Variants in EPG5 observed in about 807,000 individuals in gnomAD.
The protein encoded by EPG5 is ectopic P granules protein 5 homolog.
A neutral mutation model predicts 302.7 loss-of-function variants in EPG5; 159 were observed. The ratio of observed to expected loss-of-function variants is 0.53; its 90% CI spans 0.46 to 0.60. The LOEUF (loss-of-function observed/expected upper bound fraction) is 0.60, where lower values mean the gene tolerates loss of function less well. Ranked by LOEUF, EPG5 falls within the 20% of genes least tolerant of loss-of-function variation. EPG5 has a pLI of 0.00. For missense variants in EPG5, 2,896 were observed against 3,092.4 expected, an observed-to-expected ratio of 0.94 and a Z score of 1.51; for synonymous variants, 1,158 against 1,136.8, an observed-to-expected ratio of 1.02 and a Z score of -0.37.
chr18:45,811,684 G>A, the EPG5 span, among the ~76,000 whole-genome samples: 1 of 152,182 alleles, frequency 6.6e-6, no homozygotes, highest in African/African-American at 2.4e-5. Context: ...TATCTCAATA[G>A]ATGCAGAAAA....
rs1343736341 is a variant in EPG5, at chr18:45,912,274, A to G, written c.3983+16T>C. 1 of 1,563,140 alleles carries G rather than the reference A, an allele frequency of 6.4e-7. No individual in the cohort carries two copies. ...AGAAATGGACTCACAGAAACCTACA[A>G]TACTGGGCAGCATACCCATACTGTG... On this transcript the variant is annotated intron_variant, in intron 22 of 43. Transcript: ENST00000282041.
At chr18:45,865,833 C>A in intron 38 of EPG5, 74 bp from the exon 39 acceptor site, 1 of 1,480,942 alleles carries the variant, frequency 6.8e-7, no homozygotes, top group Admixed American at 1.9e-5. Flanking sequence ...TTCCTGGGAG[C>A]ATGGCACTGC....
chr18:45,944,503 CCA>C (rs2050744989), intron 7 of EPG5, among the ~76,000 whole-genome samples: 2 of 152,068 alleles, frequency 1.3e-5, no homozygotes, highest in Non-Finnish European at 2.9e-5. Context: ...GCCTATAATC[CCA>C]GCACTTTGGA....
chr18:45,954,237 C>T (rs2050973771), intron 2 of EPG5, among the ~76,000 whole-genome samples, 157 bp downstream of exon 2: 1 of 152,226 alleles, frequency 6.6e-6, no homozygotes, highest in African/African-American at 2.4e-5. Context: ...AGCTTATACA[C>T]CTGGCTCCTG....
the EPG5 span, chr18:45,839,231 C>A: frequency 8.2e-7 from 1 of 1,214,796 alleles, no homozygotes; most frequent in Non-Finnish European, 1.1e-6. Context: ...GCGCTTTCCT[C>A]TCTTTGCATG....
At chr18:45,815,891 A>G in the EPG5 span, among the ~76,000 whole-genome samples, 10 of 152,210 alleles carry the variant, frequency 6.6e-5, no homozygotes, top group African/African-American at 2.4e-4. Flanking sequence ...TTCAAACTAT[A>G]CTATAAGGCC....
At chr18:45,914,091 G>C (rs2049972608) in intron 20 of EPG5, among the ~76,000 whole-genome samples, 1 of 152,180 alleles carries the variant, frequency 6.6e-6, no homozygotes, top group Non-Finnish European at 1.5e-5. Context: ...ATATTTACCA[G>C]GCAAGATCTG....
intron 10 of EPG5, among the ~76,000 whole-genome samples, chr18:45,937,389 C>T (rs1013552523): frequency 2.0e-5 from 3 of 150,742 alleles, no homozygotes; most frequent in Non-Finnish European, 4.4e-5. Flanking sequence ...TACACACACA[C>T]ATATATATAC....
rs543801803 is a variant in EPG5 at position 45,958,404 on chromosome 18, C to T, written c.64-3066G>A. Among the ~76,000 whole-genome samples, 28 of 152,302 alleles carry T rather than the reference C, an allele frequency of 1.8e-4. 1 individual carries two copies. Among genetic ancestry groups the T allele is most frequent in the Admixed American group, 1.1e-3 (17 of 15,302 alleles). On this transcript the variant is annotated intron_variant, in intron 1 of 43. Transcript: ENST00000282041. ...TGAAAAAGAACAAAGTTGGAGAACT[C>T]GCACTTGGCAATTCCAAAATCTACT...
In EPG5 at chr18:45,922,437, G is replaced by C. The variant is rs369506924; in HGVS notation, c.3002C>G (p.Thr1001Arg). The part of the protein sequence containing the change: ...VPFSVTVPDM[T>R]ESPTFHPLLK... ...GAGAGGATGAAACGTGGGTGACTCT[G>C]TCATGTCAGGCACAGTGACGGAGAA... The change falls in exon 16 of 44, where the codon ACA becomes AGA. Residue 1001 changes from threonine (T) to arginine (R), a missense_variant. Physicochemically the swap from Thr to Arg is moderately conservative, Grantham distance 71. Around this residue, in one of 5 missense-constraint regions of EPG5, gnomAD observed 1,390 missense variants for 1,430.0 expected, o/e 0.97. Coordinates refer to ENST00000282041, the MANE Select transcript of EPG5 (RefSeq NM_020964.3). The C allele has an allele frequency of 6.2e-7, 1 of 1,614,238 alleles. No homozygotes were observed. Among genetic ancestry groups the C allele is most frequent in the South Asian group, 1.1e-5 (1 of 91,086 alleles).
At chr18:45,838,473 T>A in the EPG5 span, 2 of 560,660 alleles carry the variant, frequency 3.6e-6, no homozygotes, top group African/African-American at 4.0e-5. Context: ...AGCATGAATT[T>A]GCCAAATCTT....
chr18:45,884,934 A>G (rs987261550), intron 29 of EPG5, 123 bp from the exon 30 acceptor site: 2 of 607,150 alleles, frequency 3.3e-6, no homozygotes, highest in Non-Finnish European at 5.4e-6. Context: ...AAAAGTCTGA[A>G]ACAATCAAAA....
intron 13 of EPG5, among the ~76,000 whole-genome samples, chr18:45,928,257 T>C (rs1599591856): frequency 6.6e-6 from 1 of 150,984 alleles, no homozygotes; most frequent in Admixed American, 6.6e-5. Context: ...GTTTTTGAGG[T>C]GATGAAAATG....
chr18:45,937,564 G>A (rs976451175), intron 10 of EPG5, among the ~76,000 whole-genome samples: 23 of 151,948 alleles, frequency 1.5e-4, no homozygotes, highest in African/African-American at 5.5e-4. Context: ...CTGCCACCAC[G>A]CCCAGCTAAT....
Position 45,858,565 on chromosome 18 carries a change from C to G in EPG5, c.7226+1G>C. On this transcript the variant is annotated splice_donor_variant, in intron 41 of 43. Transcript: ENST00000282041. LOFTEE classifies it high-confidence loss of function. ...ATGTAACAGCCTGAGGGCCAACGTA[C>G]CTTGGGTACACCTGTTCCAGCCACT... is the stretch of plus-strand genomic sequence containing the variant. 4 of 1,613,440 alleles carry G rather than the reference C, an allele frequency of 2.5e-6. No homozygotes were observed. Among genetic ancestry groups the G allele is most frequent in the Non-Finnish European group, 3.4e-6 (4 of 1,179,394 alleles).
intron 42 of EPG5, 121 bp from the exon 43 acceptor site, chr18:45,855,808 C>T (rs1336266016): frequency 1.5e-5 from 10 of 660,896 alleles, no homozygotes; most frequent in African/African-American, 5.4e-5. Flanking sequence ...CTGTGTTGTT[C>T]ACCTTCTCAG....
chr18:45,869,335 A>G (rs1261580798), intron 36 of EPG5, among the ~76,000 whole-genome samples: 3 of 152,160 alleles, frequency 2.0e-5, no homozygotes, highest in African/African-American at 7.2e-5. Flanking sequence ...TTCATTGTCC[A>G]TTATAATCTG....
intron 32 of EPG5, 24 bp downstream of exon 32, chr18:45,880,051 C>G: frequency 6.6e-7 from 1 of 1,524,866 alleles, no homozygotes; most frequent in Non-Finnish European, 8.8e-7. Flanking sequence ...TGCACAAACA[C>G]GTCAGAGACC....
intron 1 of EPG5, among the ~76,000 whole-genome samples, chr18:45,963,365 T>C (rs1245589130): frequency 6.6e-6 from 1 of 152,114 alleles, no homozygotes; most frequent in African/African-American, 2.4e-5. Flanking sequence ...CAGGAAAGAA[T>C]ATAAAGGTTA....
Sources: allele counts gnomAD v4.1 joint callset (sites outside exome capture counted in the v4.1 genomes callset), GRCh38; gene constraint gnomAD v4.1.1; regional missense constraint gnomAD v4.1.1; transcripts MANE v1.5; gene names NCBI Gene and HGNC (gene_info 2026-07-23, HGNC 2026-07-21).